SYT1: variants seen among roughly 807,000 people sequenced by gnomAD.
The protein encoded by SYT1 is synaptotagmin 1.
In SYT1, 8 loss-of-function variants were observed where a neutral mutation model predicts 44.8. That is an observed-to-expected ratio of 0.18 (90% CI 0.10 to 0.32). SYT1 has a LOEUF of 0.32. Ranked by LOEUF, SYT1 falls within the 10% of genes least tolerant of loss-of-function variation. SYT1 has a pLI of 1.00. For missense variants in SYT1, 286 were observed against 509.3 expected, an observed-to-expected ratio of 0.56 and a Z score of 4.22; for synonymous variants, 154 against 188.8, an observed-to-expected ratio of 0.82 and a Z score of 1.51.
rs569393092 is a variant in SYT1 at position 79,162,004 on chromosome 12, G to T, written c.-17-55499G>T. On this transcript the variant is annotated intron_variant, in intron 3 of 10. Coordinates refer to ENST00000261205, the MANE Select transcript of SYT1 (RefSeq NM_005639.3). Reference sequence around the variant, plus strand: ...TGTTCGATTCCACACACAAAGAAAAGGTTTTCTTGAAATATGTGATCTTCT... The same window carrying T: ...TGTTCGATTCCACACACAAAGAAAATGTTTTCTTGAAATATGTGATCTTCT... 4.6e-5 allele frequency among the ~76,000 whole-genome samples: 7 copies of T among 152,096 alleles called. No individual in the cohort carries two copies. The South Asian group carries it at 1.5e-3, about 32-fold the overall frequency.
chr12:79,039,924 C>G (rs1873421385), intron 2 of SYT1, among the ~76,000 whole-genome samples: 1 of 145,638 alleles, frequency 6.9e-6, no homozygotes, highest in Non-Finnish European at 1.5e-5. Context: ...TTTCCAATTT[C>G]ATCCATGTCC....
chr12:79,439,916 T>TC (rs1266799037), intron 9 of SYT1, among the ~76,000 whole-genome samples: 1 of 7,510 alleles, frequency 1.3e-4, no homozygotes, highest in East Asian at 5.0e-3. Flanking sequence ...GCTTGAATTC[T>TC]TTAAAAAAAA....
In SYT1 at chr12:79,241,262, C is replaced by CT. The variant is rs3067371; in HGVS notation, c.166+23590dup. 1.8e-3 allele frequency among the ~76,000 whole-genome samples: 272 copies of CT among 149,966 alleles called. 1 individual carries two copies. The highest frequency in any genetic ancestry group is 5.8e-3 in the African/African-American group (240 of 41,044). ...ACTGAGGAATGATTTGCACTGGCAA[C>CT]TTTTTTTTTTTTTAATTTTATTTTT... On this transcript the variant is annotated intron_variant, in intron 4 of 10. Transcript: ENST00000261205.
In SYT1 at chr12:79,449,257, C is replaced by CTGTT. The variant is rs1376678935; in HGVS notation, c.*135_*138dup. 2 of 988,464 alleles carry CTGTT rather than the reference C, an allele frequency of 2.0e-6. No homozygotes were observed. The highest frequency in any genetic ancestry group is 3.3e-5 in the African/African-American group (2 of 60,822). 61.2% of individuals were successfully genotyped at this position (988,464 alleles called of 1,614,324 possible). A position where few individuals can be genotyped will look rare whatever the true frequency, so the allele number is the denominator to read the frequency against. On this transcript the variant is annotated 3_prime_UTR_variant, in exon 11 of 11. Transcript: ENST00000261205. ...ACACAATTCAGTGGTACTTGGAATCCTGTTTTAATTTGCACAAATTTAAAT... is the reference window on the plus strand; with the variant it reads ...ACACAATTCAGTGGTACTTGGAATCCTGTTTGTTTTAATTTGCACAAATTTAAAT...
chr12:79,120,038 G>C (rs1879508895), intron 3 of SYT1, among the ~76,000 whole-genome samples: 1 of 152,088 alleles, frequency 6.6e-6, no homozygotes, highest in Non-Finnish European at 1.5e-5. Context: ...ATTTGCATGC[G>C]AAGGCCTCCC....
chr12:79,364,791 G>A lies in SYT1; in HGVS notation c.928+11172G>A, dbSNP rs150509065. 3.7e-3 allele frequency among the ~76,000 whole-genome samples: 566 copies of A among 152,160 alleles called. 4 individuals carry two copies. The highest frequency in any genetic ancestry group is 0.024 in the Middle Eastern group (7 of 294). On this transcript the variant is annotated intron_variant, in intron 9 of 10. Coordinates refer to ENST00000261205, the MANE Select transcript of SYT1 (RefSeq NM_005639.3). The stretch of plus-strand genomic sequence containing the variant: ...GTCCCGTTAACAAACAAAAAGAGCC[G>A]AATGCACATTTCGTGATAGTGCACT...
At chr12:79,027,582 T>C (rs1333962263) in intron 2 of SYT1, among the ~76,000 whole-genome samples, 1 of 151,434 alleles carries the variant, frequency 6.6e-6, no homozygotes, top group African/African-American at 2.4e-5. Context: ...AATAAATGCA[T>C]TGGGCAGGTT....
intron 9 of SYT1, among the ~76,000 whole-genome samples, chr12:79,405,722 C>T (rs1295426688): frequency 3.9e-5 from 6 of 152,068 alleles, no homozygotes; most frequent in Admixed American, 1.3e-4. Flanking sequence ...AGAATGCAAC[C>T]TTTGGTTTGC....
At chr12:79,217,723 G>A in intron 4 of SYT1, 38 bp downstream of exon 4, 1 of 1,542,870 alleles carries the variant, frequency 6.5e-7, no homozygotes, top group Non-Finnish European at 8.8e-7. Flanking sequence ...AAAAATAAGT[G>A]GTTGAAAAAT....
rs553037964 is a variant in SYT1, at chr12:78,975,191, G to C, written c.-216-2608G>C. The stretch of plus-strand genomic sequence containing the variant: ...TTCTGCATGGAAGCCAGTTCTCCAT[G>C]AGGTTCCTCTGTTTTCACTCTTCAA... On this transcript the variant is annotated intron_variant, in intron 1 of 10. Coordinates refer to ENST00000261205, the MANE Select transcript of SYT1 (RefSeq NM_005639.3). Among the ~76,000 whole-genome samples the C allele has an allele frequency of 2.1e-5, 3 of 145,402 alleles. No individual in the cohort carries two copies. In the South Asian group the frequency reaches 6.5e-4, roughly 32 times the overall value.
chr12:79,320,802 T>C (rs558639715), intron 8 of SYT1, among the ~76,000 whole-genome samples: 2 of 152,174 alleles, frequency 1.3e-5, no homozygotes, highest in East Asian at 1.9e-4. Flanking sequence ...TTTGTGTTTT[T>C]AGTAGAGATG....
chr12:78,950,651 A>G (rs1486737750), intron 1 of SYT1, among the ~76,000 whole-genome samples: 1 of 152,140 alleles, frequency 6.6e-6, no homozygotes, highest in Admixed American at 6.6e-5. Context: ...TTGTGTTTGG[A>G]TGATTCCTTG....
intron 1 of SYT1, among the ~76,000 whole-genome samples, chr12:78,899,292 T>G (rs896469270): frequency 6.6e-6 from 1 of 150,822 alleles, no homozygotes; most frequent in Non-Finnish European, 1.5e-5. Context: ...CAGTTAAGAG[T>G]GCAATGTAAT....
At chr12:79,264,757 C>G (rs1297604795) in intron 4 of SYT1, among the ~76,000 whole-genome samples, 3 of 152,144 alleles carry the variant, frequency 2.0e-5, no homozygotes, top group African/African-American at 7.2e-5. Flanking sequence ...TAGTATTATT[C>G]TAATGCTGCT....
chr12:79,320,863 G>A (rs756349642), intron 8 of SYT1, among the ~76,000 whole-genome samples: 3 of 151,394 alleles, frequency 2.0e-5, no homozygotes, highest in Admixed American at 6.6e-5. Flanking sequence ...CCTCGTGATC[G>A]GCCCAACTCG....
intron 3 of SYT1, among the ~76,000 whole-genome samples, chr12:79,148,185 C>T (rs1291205697): frequency 6.6e-6 from 1 of 152,094 alleles, no homozygotes; most frequent in Admixed American, 6.6e-5. Flanking sequence ...GAAAATTGGA[C>T]AGAAATGGCA....
intron 4 of SYT1, among the ~76,000 whole-genome samples, chr12:79,253,483 G>GTCCCTC (rs1877339664): frequency 7.7e-6 from 1 of 129,404 alleles, no homozygotes; most frequent in Non-Finnish European, 1.7e-5. Flanking sequence ...CCATTGCCCA[G>GTCCCTC]TCTCTCTCTC....
At chr12:78,975,525 G>A (rs1868758896) in intron 1 of SYT1, among the ~76,000 whole-genome samples, 1 of 152,166 alleles carries the variant, frequency 6.6e-6, no homozygotes, top group South Asian at 2.1e-4. Flanking sequence ...TCTGGTGGGA[G>A]CTGGTAATAT....
intron 3 of SYT1, among the ~76,000 whole-genome samples, chr12:79,089,298 C>T (rs893026039): frequency 6.6e-6 from 1 of 151,986 alleles, no homozygotes; most frequent in African/African-American, 2.4e-5. Context: ...AGCTTGGCAA[C>T]AGTTAAAATT....
Sources: allele counts gnomAD v4.1 joint callset (sites outside exome capture counted in the v4.1 genomes callset), GRCh38; gene constraint gnomAD v4.1.1; transcripts MANE v1.5; gene names NCBI Gene and HGNC (gene_info 2026-07-23, HGNC 2026-07-21).